The following EYS variants were observed in gnomAD, a reference collection of about 807,000 sequenced individuals.
EYS encodes the protein protein eyes shut homolog.
Under a neutral mutation model 282.1 loss-of-function variants are expected in EYS, and 250 were observed. That is an observed-to-expected ratio of 0.89 (90% CI 0.80 to 0.98). The LOEUF is 0.98. Among genes scored for constraint, EYS ranks in the 50% least tolerant of loss-of-function variants. The pLI, the probability that EYS is intolerant of heterozygous loss-of-function variation, is 0.00. For missense variants in EYS, 4,016 were observed against 3,709.0 expected, an observed-to-expected ratio of 1.08 and a Z score of -2.15; for synonymous variants, 1,355 against 1,282.9, an observed-to-expected ratio of 1.06 and a Z score of -1.20.
At chr6:64,186,098 A>C (rs1165985971) in intron 31 of EYS, among the ~76,000 whole-genome samples, 1 of 152,156 alleles carries the variant, frequency 6.6e-6, no homozygotes, top group African/African-American at 2.4e-5. Flanking sequence ...GAAGAAGAGC[A>C]CACAAGGCCC....
intron 31 of EYS, among the ~76,000 whole-genome samples, chr6:64,119,970 TA>T: frequency 6.6e-6 from 1 of 152,182 alleles, no homozygotes; most frequent in South Asian, 2.1e-4. Flanking sequence ...TACACAATAT[TA>T]AACTTATTAG....
chr6:64,493,678 T>C (rs1776803020), intron 26 of EYS, among the ~76,000 whole-genome samples: 1 of 151,614 alleles, frequency 6.6e-6, no homozygotes, highest in Non-Finnish European at 1.5e-5. Context: ...CTTTAAGTTC[T>C]AGCGTACATG....
chr6:64,379,669 A>G (rs577969882), intron 29 of EYS: 3 of 152,306 alleles, frequency 2.0e-5, no homozygotes, highest in East Asian at 3.9e-4. Flanking sequence ...GAGTCTCTCA[A>G]GAAGTGTCCT....
rs1265505918 is a variant in EYS at position 64,066,100 on chromosome 6, AAAAC to A, written c.6725+234_6725+237del. Among the ~76,000 whole-genome samples the A allele has an allele frequency of 3.3e-5, 5 of 152,208 alleles. No individual in the cohort carries two copies. The South Asian group carries it at 6.2e-4, about 19-fold the overall frequency. On this transcript the variant is annotated intron_variant, in intron 33 of 42. Transcript: ENST00000503581. The stretch of plus-strand genomic sequence containing the variant: ...GGCATGGTGAAACCCCATCTCTACT[AAAAC>A]AAACAAACAACAACAACAAAAAACT...
rs142742515 is a variant in EYS, at chr6:64,330,071, C to T, written c.6079-22989G>A. Among the ~76,000 whole-genome samples, 986 of 152,166 alleles carry T rather than the reference C, an allele frequency of 6.5e-3. 16 individuals are homozygous for T. Among genetic ancestry groups the T allele is most frequent in the Non-Finnish European group, 5.0e-3 (342 of 68,020 alleles). ...GAAGGCTTTCATGCCACCAAGTGAC[C>T]GCCGTGTCCTGTTGCAGTATATAGA... On this transcript the variant is annotated intron_variant, in intron 29 of 42. Coordinates refer to ENST00000503581, the MANE Select transcript of EYS (RefSeq NM_001142800.2).
intron 35 of EYS, among the ~76,000 whole-genome samples, chr6:63,953,836 C>A (rs1051201114): frequency 6.6e-6 from 1 of 152,134 alleles, no homozygotes; most frequent in Non-Finnish European, 1.5e-5. Flanking sequence ...GGGACCATGC[C>A]CTGTAGCCTT....
intron 26 of EYS, among the ~76,000 whole-genome samples, chr6:64,583,147 A>C (rs1455176918): frequency 6.6e-6 from 1 of 152,106 alleles, no homozygotes; most frequent in Non-Finnish European, 1.5e-5. Context: ...TTGGAGAGGT[A>C]TGGTTGGAAG....
intron 12 of EYS, among the ~76,000 whole-genome samples, chr6:65,183,677 T>G (rs938070041): frequency 3.3e-5 from 5 of 151,910 alleles, no homozygotes; most frequent in Non-Finnish European, 7.4e-5. Flanking sequence ...GTGTACTGAT[T>G]TTATTATACT....
At chr6:65,652,913 C>T (rs938788153) in intron 1 of EYS, among the ~76,000 whole-genome samples, 5 of 151,890 alleles carry the variant, frequency 3.3e-5, no homozygotes, top group Non-Finnish European at 7.4e-5. Context: ...GACTGTAATG[C>T]AGAGGTTTGG....
At chr6:64,013,036 C>A (rs989842388) in intron 33 of EYS, among the ~76,000 whole-genome samples, 1 of 152,106 alleles carries the variant, frequency 6.6e-6, no homozygotes, top group African/African-American at 2.4e-5. Context: ...AGACTTCTCT[C>A]TGACAAAACA....
At chr6:65,388,442 C>G (rs1044931885) in intron 7 of EYS, among the ~76,000 whole-genome samples, 2 of 151,872 alleles carry the variant, frequency 1.3e-5, no homozygotes, top group African/African-American at 4.8e-5. Flanking sequence ...TATTTCAAGG[C>G]TGTGTCAGGA....
At chr6:64,534,470 T>C (rs989626654) in intron 26 of EYS, among the ~76,000 whole-genome samples, 2 of 152,138 alleles carry the variant, frequency 1.3e-5, no homozygotes, top group African/African-American at 4.8e-5. Context: ...TCAGTTTACA[T>C]TAATCATTCA....
intron 11 of EYS, chr6:65,331,397 T>C (rs71572525): frequency 3.8e-6 from 3 of 780,694 alleles, no homozygotes; most frequent in African/African-American, 3.7e-5. Flanking sequence ...CTAAACATTT[T>C]GCATATCTTT....
At chr6:64,978,223 A>G (rs1770535837) in intron 14 of EYS, among the ~76,000 whole-genome samples, 1 of 151,892 alleles carries the variant, frequency 6.6e-6, no homozygotes, top group Non-Finnish European at 1.5e-5. Flanking sequence ...GCAATTTGTG[A>G]CTTGAAGTTG....
intron 23 of EYS, among the ~76,000 whole-genome samples, chr6:64,620,898 T>C (rs1282050261): frequency 6.6e-6 from 1 of 152,184 alleles, no homozygotes; most frequent in Non-Finnish European, 1.5e-5. Flanking sequence ...ATTAACCTAA[T>C]GTCTGACACA....
intron 2 of EYS, among the ~76,000 whole-genome samples, chr6:65,560,029 A>G (rs561176296): frequency 2.7e-5 from 4 of 150,496 alleles, no homozygotes; most frequent in African/African-American, 9.7e-5. Context: ...GTTTTAGTTT[A>G]TGTTTTGTCA....
intron 12 of EYS, among the ~76,000 whole-genome samples, chr6:65,112,172 A>G (rs1381368818): frequency 2.0e-5 from 3 of 152,140 alleles, no homozygotes. Context: ...TTTCTTTGAT[A>G]CTGGATACTA....
intron 2 of EYS, among the ~76,000 whole-genome samples, chr6:65,624,719 C>A (rs1266895540): frequency 6.6e-6 from 1 of 152,156 alleles, no homozygotes; most frequent in Non-Finnish European, 1.5e-5. Flanking sequence ...TTCTTCTGTG[C>A]TGGATGGTTC....
At chr6:65,646,133 A>G (rs1243645395) in intron 1 of EYS, among the ~76,000 whole-genome samples, 1 of 152,148 alleles carries the variant, frequency 6.6e-6, no homozygotes, top group African/African-American at 2.4e-5. Context: ...TACTGATACT[A>G]TTCCACAAAG....
Sources: allele counts gnomAD v4.1 joint callset (sites outside exome capture counted in the v4.1 genomes callset), GRCh38; gene constraint gnomAD v4.1.1; transcripts MANE v1.5; gene names NCBI Gene and HGNC (gene_info 2026-07-23, HGNC 2026-07-21).